The following MYO1D variants were observed in gnomAD, a reference collection of about 807,000 sequenced individuals.
MYO1D encodes the protein unconventional myosin-Id.
A neutral mutation model predicts 122.0 loss-of-function variants in MYO1D; 83 were observed. That is an observed-to-expected ratio of 0.68 (90% CI 0.57 to 0.82). The LOEUF (loss-of-function observed/expected upper bound fraction) is 0.82, where lower values mean the gene tolerates loss of function less well. Ranked by LOEUF, MYO1D falls within the 40% of genes least tolerant of loss-of-function variation. The probability of loss-of-function intolerance (pLI) is 0.00; values close to 1 mark genes in which losing one functional copy is unlikely to be tolerated. For synonymous variants in MYO1D, 464 were observed against 446.9 expected (o/e 1.04, Z -0.48); for missense variants, 1,157 against 1,269.5 (o/e 0.91, Z 1.35).
intron 1 of MYO1D, among the ~76,000 whole-genome samples, chr17:32,864,646 A>AT (rs2091108934): frequency 6.6e-6 from 1 of 151,732 alleles, no homozygotes; most frequent in Non-Finnish European, 1.5e-5. Context: ...TGGTAATTTC[A>AT]TTTTTCCTGC....
At chr17:32,740,400 A>T (rs2089759235) in intron 13 of MYO1D, among the ~76,000 whole-genome samples, 1 of 152,226 alleles carries the variant, frequency 6.6e-6, no homozygotes, top group African/African-American at 2.4e-5. Context: ...GTTAAATAGC[A>T]GAATTGATAC....
chr17:32,501,218 G>C (rs1382855919), intron 21 of MYO1D, among the ~76,000 whole-genome samples: 1 of 152,150 alleles, frequency 6.6e-6, no homozygotes, highest in African/African-American at 2.4e-5. Flanking sequence ...TGATGATGAT[G>C]ATATGATGAG....
chr17:32,740,224 G>C (rs1026846665), intron 13 of MYO1D, among the ~76,000 whole-genome samples: 9 of 152,160 alleles, frequency 5.9e-5, no homozygotes, highest in African/African-American at 2.2e-4. Context: ...TGTGTACTTT[G>C]AAAATTTCGA....
Position 32,704,105 on chromosome 17 carries a change from A to G in MYO1D, c.2121+7883T>C, listed in dbSNP as rs555071060. On this transcript the variant is annotated intron_variant, in intron 16 of 21. Coordinates refer to ENST00000318217, the MANE Select transcript of MYO1D (RefSeq NM_015194.3). ...TTAGCACCTCCTTTCTTAAAGCTGT[A>G]ATTTTGAAAACTTATATAGTTTCTT... 1.9e-4 allele frequency among the ~76,000 whole-genome samples: 29 copies of G among 152,330 alleles called. No individual in the cohort carries two copies. The South Asian group carries it at 6.0e-3, about 32-fold the overall frequency.
intron 1 of MYO1D, among the ~76,000 whole-genome samples, chr17:32,781,558 T>C (rs1439185613): frequency 1.3e-5 from 2 of 152,162 alleles, no homozygotes; most frequent in African/African-American, 2.4e-5. Flanking sequence ...AAAAATCTAA[T>C]CATACGTATT....
chr17:32,694,254 T>C (rs558901022), intron 16 of MYO1D, among the ~76,000 whole-genome samples: 1 of 151,538 alleles, frequency 6.6e-6, no homozygotes, highest in East Asian at 1.9e-4. Context: ...GCCGGAGGAG[T>C]TTGGCAATTG....
intron 15 of MYO1D, 113 bp downstream of exon 15, chr17:32,720,910 T>C: frequency 3.5e-6 from 4 of 1,128,326 alleles, no homozygotes; most frequent in Non-Finnish European, 4.8e-6. Flanking sequence ...CTCAGCTCTT[T>C]TGTTCACCCA....
chr17:32,860,004 C>G (rs977482347), intron 1 of MYO1D, among the ~76,000 whole-genome samples: 27 of 152,184 alleles, frequency 1.8e-4, no homozygotes, highest in African/African-American at 6.0e-4. Flanking sequence ...TAATAATGGG[C>G]ATGTGACCAA....
At chr17:32,772,096 C>T (rs28475613) in intron 5 of MYO1D, among the ~76,000 whole-genome samples, 6,016 of 152,206 alleles carry the variant, frequency 0.04, 385 homozygotes, top group African/African-American at 0.13. Context: ...TGAATTGCAT[C>T]CAATTGTATT....
chr17:32,837,442 C>T (rs1026948559), intron 1 of MYO1D, among the ~76,000 whole-genome samples: 1 of 151,960 alleles, frequency 6.6e-6, no homozygotes. Flanking sequence ...ATCTAACCAC[C>T]GTTTAATGAT....
chr17:32,500,870 A>G lies in MYO1D; in HGVS notation c.2865-5955T>C, dbSNP rs112638836. On this transcript the variant is annotated intron_variant, in intron 21 of 21. Transcript: ENST00000318217. ...AAATACACAAAAAAATTAGCCGGGC[A>G]TGGTGGTGGGCACCTGTAGTCCCAG... Among the ~76,000 whole-genome samples the G allele has an allele frequency of 6.8e-3, 1,031 of 152,208 alleles. 12 individuals carry two copies. The highest frequency in any genetic ancestry group is 0.023 in the African/African-American group (968 of 41,538).
intron 13 of MYO1D, among the ~76,000 whole-genome samples, chr17:32,740,269 T>C (rs912323135): frequency 2.6e-5 from 4 of 152,196 alleles, no homozygotes; most frequent in Non-Finnish European, 5.9e-5. Context: ...TAGTCACTGG[T>C]GTTTGGTCTA....
intron 16 of MYO1D, among the ~76,000 whole-genome samples, chr17:32,692,925 A>C (rs2089122743): frequency 6.6e-6 from 1 of 152,238 alleles, no homozygotes; most frequent in Non-Finnish European, 1.5e-5. Context: ...ATTTTTAAAC[A>C]AATGTTTTAT....
intron 21 of MYO1D, among the ~76,000 whole-genome samples, chr17:32,559,886 ACTGT>A (rs2150889262): frequency 6.6e-6 from 1 of 152,288 alleles, no homozygotes; most frequent in East Asian, 1.9e-4. Context: ...CTTCAGTGTC[ACTGT>A]CTGTATTTGT....
intron 8 of MYO1D, among the ~76,000 whole-genome samples, chr17:32,764,394 T>C (rs941657023): frequency 6.6e-6 from 1 of 152,148 alleles, no homozygotes; most frequent in Non-Finnish European, 1.5e-5. Context: ...AATAATATTG[T>C]TTCAAATTGC....
At position 32,877,093 on chromosome 17, in the gene MYO1D, C is replaced by T. The variant is rs2091242841; in HGVS notation, c.-221G>A. 1.5e-5 allele frequency: 3 copies of T among 204,388 alleles called. No individual in the cohort carries two copies. The highest frequency in any genetic ancestry group is 2.9e-5 in the Non-Finnish European group (3 of 103,356). 12.7% of individuals were successfully genotyped at this position (204,388 alleles called of 1,614,324 possible). On this transcript the variant is annotated 5_prime_UTR_variant, in exon 1 of 22. Transcript: ENST00000318217. ...CCGAACGGGACGCACCCGACAGTTT[C>T]CGCTCCTCCCGCCGCGGCTGCCGGG... is the stretch of plus-strand genomic sequence containing the variant.
At chr17:32,609,961 C>G (rs1019709672) in intron 20 of MYO1D, among the ~76,000 whole-genome samples, 41 of 152,122 alleles carry the variant, frequency 2.7e-4, no homozygotes, top group African/African-American at 9.9e-4. Context: ...TTATGTCTAT[C>G]ACGCTTCACT....
chr17:32,663,026 T>C (rs2088590952), intron 16 of MYO1D, among the ~76,000 whole-genome samples: 1 of 151,090 alleles, frequency 6.6e-6, no homozygotes, highest in Non-Finnish European at 1.5e-5. Context: ...CACGCCATTC[T>C]CCTGCCTCAG....
At chr17:32,859,750 A>T (rs1378353657) in intron 1 of MYO1D, among the ~76,000 whole-genome samples, 1 of 152,188 alleles carries the variant, frequency 6.6e-6, no homozygotes, top group African/African-American at 2.4e-5. Context: ...CATATTGAGC[A>T]TTCTTTTCTG....
Sources: allele counts gnomAD v4.1 joint callset (sites outside exome capture counted in the v4.1 genomes callset), GRCh38; gene constraint gnomAD v4.1.1; transcripts MANE v1.5; gene names NCBI Gene and HGNC (gene_info 2026-07-23, HGNC 2026-07-21).